The following MME variants were observed in gnomAD, a reference collection of about 807,000 sequenced individuals.
MME encodes membrane metalloendopeptidase.
A neutral mutation model predicts 113.2 loss-of-function variants in MME; 98 were observed. The ratio of observed to expected loss-of-function variants is 0.87; its 90% confidence interval spans 0.74 to 1.02. The LOEUF (loss-of-function observed/expected upper bound fraction) is 1.02, where lower values mean the gene tolerates loss of function less well. Among genes scored for constraint, MME ranks in the 50% least tolerant of loss-of-function variants. MME has a pLI of 0.00. For missense variants in MME, 836 were observed against 896.0 expected, an observed-to-expected ratio of 0.93 and a Z score of 0.86; for synonymous variants, 292 against 300.6, an observed-to-expected ratio of 0.97 and a Z score of 0.30.
intron 8 of MME, among the ~76,000 whole-genome samples, chr3:155,135,417 T>C (rs1720545283): frequency 1.2e-5 from 1 of 86,710 alleles, no homozygotes; most frequent in Non-Finnish European, 2.7e-5. Flanking sequence ...CTTATTTTTG[T>C]CAACTTTGTC....
intron 1 of MME, among the ~76,000 whole-genome samples, chr3:155,071,138 G>C (rs1214629410): frequency 1.3e-5 from 2 of 152,198 alleles, no homozygotes; most frequent in Non-Finnish European, 2.9e-5. Flanking sequence ...ATCCACACAA[G>C]TTGTGCTGTG....
intron 16 of MME, among the ~76,000 whole-genome samples, chr3:155,151,320 G>A (rs1465503569): frequency 1.3e-5 from 2 of 152,150 alleles, no homozygotes; most frequent in African/African-American, 4.8e-5. Flanking sequence ...CTTTTGTAGG[G>A]TTGTATTGTA....
intron 8 of MME, among the ~76,000 whole-genome samples, chr3:155,137,577 G>T (rs894872976): frequency 1.3e-5 from 2 of 151,842 alleles, no homozygotes; most frequent in Non-Finnish European, 2.9e-5. Flanking sequence ...GTGGTGGTGG[G>T]CGCCTGTACT....
intron 1 of MME, among the ~76,000 whole-genome samples, chr3:155,054,260 T>C (rs1713855250): frequency 6.6e-6 from 1 of 152,192 alleles, no homozygotes; most frequent in Non-Finnish European, 1.5e-5. Context: ...TAGTGCTTTT[T>C]ATGTAGGCTT....
intron 13 of MME, 46 bp from the exon 14 acceptor site, chr3:155,144,313 A>G (rs1721341985): frequency 7.8e-7 from 1 of 1,277,832 alleles, no homozygotes; most frequent in African/African-American, 1.5e-5. Flanking sequence ...TCTGTGTTAC[A>G]AAGAATGAAT....
chr3:155,152,308 A>G (rs925471180), intron 16 of MME, among the ~76,000 whole-genome samples: 32 of 152,100 alleles, frequency 2.1e-4, no homozygotes, highest in Non-Finnish European at 4.7e-4. Context: ...CCCATTGCAT[A>G]TTTCTCTTCA....
chr3:155,091,686 T>G (rs969217640), intron 3 of MME, among the ~76,000 whole-genome samples: 2 of 152,152 alleles, frequency 1.3e-5, no homozygotes, highest in Non-Finnish European at 2.9e-5. Flanking sequence ...TGGTAAGCCT[T>G]TGATATGATA....
chr3:155,115,665 A>C (rs1718543561), intron 4 of MME, among the ~76,000 whole-genome samples: 1 of 152,176 alleles, frequency 6.6e-6, no homozygotes, highest in Admixed American at 6.5e-5. Context: ...ACCTCAGGTG[A>C]TCCACCAGCC....
chr3:155,128,925 T>C (rs1173757732), intron 8 of MME, among the ~76,000 whole-genome samples: 1 of 152,216 alleles, frequency 6.6e-6, no homozygotes, highest in Non-Finnish European at 1.5e-5. Flanking sequence ...CATCAATAGC[T>C]AATAGCATAC....
At chr3:155,116,327 G>C (rs1484146922) in intron 4 of MME, 152 bp from the exon 5 acceptor site, 7 of 650,020 alleles carry the variant, frequency 1.1e-5, no homozygotes, top group South Asian at 8.5e-5. Context: ...TTTTGGAACT[G>C]GGGGGAGGAA....
At chr3:155,074,961 A>G (rs941256493), upstream of MME, among the ~76,000 whole-genome samples, 1 of 151,922 alleles carries the variant, frequency 6.6e-6, no homozygotes, top group Non-Finnish European at 1.5e-5. Flanking sequence ...TGTTCTATAT[A>G]TTTCTATTGG....
At chr3:155,103,333 C>G (rs1717421898) in intron 3 of MME, among the ~76,000 whole-genome samples, 1 of 152,178 alleles carries the variant, frequency 6.6e-6, no homozygotes, top group Non-Finnish European at 1.5e-5. Context: ...ACCTAATACA[C>G]AAATATAGCT....
intron 15 of MME, among the ~76,000 whole-genome samples, chr3:155,147,975 G>T (rs1354106520): frequency 2.0e-5 from 3 of 152,200 alleles, no homozygotes; most frequent in Admixed American, 6.5e-5. Context: ...AGACCCAGGG[G>T]TCCTTATAGC....
chr3:155,178,137 C>CA (rs1712740279), intron 22 of MME, among the ~76,000 whole-genome samples: 1 of 152,170 alleles, frequency 6.6e-6, no homozygotes, highest in South Asian at 2.1e-4. Flanking sequence ...ATCTCCCTGA[C>CA]AAGTGGACTA....
intron 1 of MME, among the ~76,000 whole-genome samples, chr3:155,030,746 C>T (rs757488052): frequency 1.3e-5 from 2 of 152,142 alleles, no homozygotes; most frequent in African/African-American, 2.4e-5. Context: ...TTGCTAGCTG[C>T]AAATGGAATA....
chr3:155,135,328 G>A (rs1408822960), intron 8 of MME, among the ~76,000 whole-genome samples: 2 of 152,042 alleles, frequency 1.3e-5, no homozygotes, highest in Non-Finnish European at 2.9e-5. Flanking sequence ...TGAAAGTTAG[G>A]GGTCCCATTT....
intron 8 of MME, among the ~76,000 whole-genome samples, chr3:155,123,863 A>T (rs1380636269): frequency 1.3e-5 from 1 of 79,222 alleles, no homozygotes. Context: ...TTTTTCCTTC[A>T]TTTCAACTTT....
intron 3 of MME, 58 bp downstream of exon 3, chr3:155,085,152 A>T: frequency 9.0e-7 from 1 of 1,110,288 alleles, no homozygotes; most frequent in Non-Finnish European, 1.3e-6. Context: ...ATTTAAAATT[A>T]AATGCTAATC....
At chr3:155,070,777 A>G (rs1714524846) in intron 1 of MME, among the ~76,000 whole-genome samples, 1 of 152,198 alleles carries the variant, frequency 6.6e-6, no homozygotes. Context: ...GCATTTCTTC[A>G]CCTTGCTTGT....
Sources: gnomAD v4.1 joint callset for allele counts (sites outside exome capture counted in the v4.1 genomes callset) on GRCh38, gnomAD v4.1.1 for gene constraint, MANE v1.5 for transcripts, NCBI Gene and HGNC (gene_info 2026-07-23, HGNC 2026-07-21) for gene names.